Variants in RGL1 observed in about 807,000 individuals in gnomAD.
RGL1 encodes ral guanine nucleotide dissociation stimulator-like 1.
In RGL1, 24 loss-of-function variants were observed where a neutral mutation model predicts 95.2. The observed-to-expected ratio is 0.25, with a 90% CI of 0.18 to 0.35. The LOEUF (loss-of-function observed/expected upper bound fraction) is 0.35. Among genes scored for constraint, RGL1 ranks in the 10% least tolerant of loss-of-function variants. The probability of loss-of-function intolerance (pLI) is 1.00; values close to 1 mark genes in which losing one functional copy is unlikely to be tolerated. For synonymous variants in RGL1, 329 were observed against 344.9 expected (o/e 0.95, Z 0.51); for missense variants, 715 against 936.3 (o/e 0.76, Z 3.08).
intron 2 of RGL1, among the ~76,000 whole-genome samples, chr1:183,809,414 AC>A (rs1381443709): frequency 2.6e-5 from 4 of 152,236 alleles, no homozygotes. Flanking sequence ...TTGGAAAACT[AC>A]AACCAAGTAT....
chr1:183,778,735 T>C (rs1659725719), intron 2 of RGL1, among the ~76,000 whole-genome samples: 3 of 152,216 alleles, frequency 2.0e-5, no homozygotes, highest in Admixed American at 1.3e-4. Context: ...TTCAGCTACA[T>C]GTCTCAGGTT....
At chr1:183,889,847 G>C (rs1667316811) in intron 8 of RGL1, among the ~76,000 whole-genome samples, 1 of 152,136 alleles carries the variant, frequency 6.6e-6, no homozygotes, top group Non-Finnish European at 1.5e-5. Context: ...AGAAGAACTA[G>C]CAGGCTTTTC....
intron 2 of RGL1, among the ~76,000 whole-genome samples, chr1:183,776,171 C>T (rs1374726149): frequency 1.1e-4 from 12 of 109,678 alleles, no homozygotes; most frequent in East Asian, 2.7e-4. Context: ...TTTTTTGAGA[C>T]GGAGTCTCGC....
chr1:183,755,045 G>C (rs1159440966), intron 2 of RGL1: 1 of 152,006 alleles, frequency 6.6e-6, no homozygotes, highest in Non-Finnish European at 1.5e-5. Context: ...GAGTGAACTA[G>C]GGTATTTAGT....
chr1:183,743,830 A>G (rs1245872307), intron 2 of RGL1, among the ~76,000 whole-genome samples: 3 of 152,216 alleles, frequency 2.0e-5, no homozygotes, highest in African/African-American at 7.2e-5. Flanking sequence ...GTATATTGGT[A>G]TGGCTCTTTG....
chr1:183,876,443 T>C (rs1194558214), intron 4 of RGL1, among the ~76,000 whole-genome samples: 1 of 152,214 alleles, frequency 6.6e-6, no homozygotes, highest in Non-Finnish European at 1.5e-5. Context: ...TTTGGGCCCC[T>C]GGCCTTGGCC....
intron 2 of RGL1, among the ~76,000 whole-genome samples, chr1:183,751,962 G>A (rs577284188): frequency 6.6e-6 from 1 of 152,176 alleles, no homozygotes; most frequent in African/African-American, 2.4e-5. Context: ...CATTGGTCTT[G>A]TTGGGAGCTG....
intron 1 of RGL1, among the ~76,000 whole-genome samples, chr1:183,702,167 G>C (rs1192419599): frequency 6.6e-6 from 1 of 152,012 alleles, no homozygotes; most frequent in East Asian, 1.9e-4. Context: ...TACAAATTCT[G>C]GTATGCCAAA....
intron 1 of RGL1, among the ~76,000 whole-genome samples, chr1:183,681,498 G>T (rs1406621997): frequency 6.6e-6 from 1 of 152,118 alleles, no homozygotes; most frequent in Non-Finnish European, 1.5e-5. Context: ...CATATGTTGA[G>T]CCAGCCTTGC....
chr1:183,661,362 A>C (rs1465062269), intron 1 of RGL1, among the ~76,000 whole-genome samples: 2 of 152,348 alleles, frequency 1.3e-5, no homozygotes, highest in African/African-American at 4.8e-5. Flanking sequence ...GCAATAAAAA[A>C]TGATAAAGGG....
chr1:183,926,153 A>G lies in RGL1; in HGVS notation c.2168A>G (p.Gln723Arg). ...SANVFYAMNS[Q>R]VNFDFILRKK... ...AATGTCTTTTATGCCATGAACAGCC[A>G]AGTGAACTTTGACTTCATTTTGCGC... is the stretch of plus-strand genomic sequence containing the variant. Residue 723 changes from glutamine (Q) to arginine (R), a missense_variant, in exon 18 of 18, where the codon CAA becomes CGA. This residue lies in a region of RGL1 where 330 missense variants were observed against 429.6 expected (regional missense o/e 0.77). Transcript: ENST00000360851. 6.2e-7 allele frequency: 1 copy of G among 1,614,180 alleles called. No homozygotes were observed. The highest frequency in any genetic ancestry group is 8.5e-7 in the Non-Finnish European group (1 of 1,180,002).
intron 2 of RGL1, among the ~76,000 whole-genome samples, chr1:183,758,670 A>G (rs1658492301): frequency 6.6e-6 from 1 of 152,022 alleles, no homozygotes; most frequent in Non-Finnish European, 1.5e-5. Flanking sequence ...TTATAAGGGC[A>G]TGAATCCCAT....
At chr1:183,799,209 T>G (rs1185729003) in intron 2 of RGL1, among the ~76,000 whole-genome samples, 1 of 152,136 alleles carries the variant, frequency 6.6e-6, no homozygotes, top group Non-Finnish European at 1.5e-5. Context: ...GCCTCCTTTT[T>G]TAAGGTTGAA....
At chr1:183,852,766 T>G (rs1664901868) in intron 3 of RGL1, among the ~76,000 whole-genome samples, 1 of 152,000 alleles carries the variant, frequency 6.6e-6, no homozygotes, top group South Asian at 2.1e-4. Context: ...TGAGCTGAAA[T>G]TGCACCAGCC....
upstream of RGL1, among the ~76,000 whole-genome samples, chr1:183,804,924 GA>G (rs1006004488): frequency 3.9e-5 from 6 of 152,228 alleles, no homozygotes; most frequent in African/African-American, 1.4e-4. Flanking sequence ...TGACCGTCAG[GA>G]AAACCTGATA....
intron 1 of RGL1, among the ~76,000 whole-genome samples, chr1:183,738,598 A>C (rs1657091998): frequency 2.0e-5 from 3 of 151,768 alleles, no homozygotes; most frequent in African/African-American, 4.8e-5. Context: ...TAATGCATGA[A>C]TTGTTTAAAG....
intron 2 of RGL1, among the ~76,000 whole-genome samples, chr1:183,800,023 A>C (rs994348650): frequency 2.0e-5 from 3 of 152,218 alleles, no homozygotes; most frequent in African/African-American, 7.2e-5. Flanking sequence ...GAGACAAATG[A>C]GAAAAATAAG....
At chr1:183,910,647 T>C (rs1166683750) in intron 14 of RGL1, among the ~76,000 whole-genome samples, 2 of 152,214 alleles carry the variant, frequency 1.3e-5, no homozygotes, top group African/African-American at 4.8e-5. Flanking sequence ...TCTTTCTATG[T>C]CTTTATCTTT....
intron 1 of RGL1, among the ~76,000 whole-genome samples, chr1:183,677,233 A>G (rs547524730): frequency 1.3e-5 from 2 of 150,632 alleles, no homozygotes; most frequent in Admixed American, 1.3e-4. Context: ...GTGCCATCCT[A>G]GATAAAAGCC....
Sources: allele counts gnomAD v4.1 joint callset (sites outside exome capture counted in the v4.1 genomes callset), GRCh38; gene constraint gnomAD v4.1.1; regional missense constraint gnomAD v4.1.1; transcripts MANE v1.5; gene names NCBI Gene and HGNC (gene_info 2026-07-23, HGNC 2026-07-21).